The following ETF1 variants were observed in gnomAD, a reference collection of about 807,000 sequenced individuals.
The protein encoded by ETF1 is eukaryotic peptide chain release factor subunit 1.
A neutral mutation model predicts 55.1 loss-of-function variants in ETF1; 4 were observed. The ratio of observed to expected loss-of-function variants is 0.07; its 90% CI spans 0.04 to 0.17. The LOEUF (loss-of-function observed/expected upper bound fraction) is 0.17. Among genes scored for constraint, ETF1 ranks in the 10% least tolerant of loss-of-function variants. The pLI, the probability that ETF1 is intolerant of heterozygous loss-of-function variation, is 1.00. For missense variants in ETF1, 142 were observed against 523.6 expected, an observed-to-expected ratio of 0.27 and a Z score of 7.11; for synonymous variants, 157 against 182.3, an observed-to-expected ratio of 0.86 and a Z score of 1.12.
chr5:138,527,053 G>A (rs1447427863), intron 2 of ETF1, among the ~76,000 whole-genome samples: 2 of 152,080 alleles, frequency 1.3e-5, no homozygotes, highest in African/African-American at 2.4e-5. Flanking sequence ...TGGTCGGGCT[G>A]GTCTGGAACT....
chr5:138,535,874 C>CAAAAA lies in ETF1; in HGVS notation c.86+6954_86+6958dup, dbSNP rs35261297. ...TGGGCGGGAAAGCGAGACTCCGCCT[C>CAAAAA]AAAAAAAAAAAAAAAAAAAAAAAAA... is the stretch of plus-strand genomic sequence containing the variant. On this transcript the variant is annotated intron_variant, in intron 2 of 10. Coordinates refer to ENST00000360541, the MANE Select transcript of ETF1 (RefSeq NM_004730.4). Among the ~76,000 whole-genome samples the CAAAAA allele has an allele frequency of 5.8e-3, 335 of 57,830 alleles. 76 individuals carry two copies. The highest frequency in any genetic ancestry group is 0.054 in the Admixed American group (167 of 3,072). The allele number at this position is 57,830 out of a possible 152,430, so 37.9% of individuals were successfully genotyped here. A position where few individuals can be genotyped will look rare whatever the true frequency, so the allele number is the denominator to read the frequency against.
intron 6 of ETF1, 125 bp downstream of exon 6, chr5:138,512,639 T>A: frequency 1.3e-6 from 1 of 750,472 alleles, no homozygotes; most frequent in Non-Finnish European, 2.0e-6. Flanking sequence ...ACCTGCTGTT[T>A]AACTCAGAGG....
In ETF1 at chr5:138,510,618, G is replaced by T. The variant is rs1764737316; in HGVS notation, c.1030C>A (p.Leu344Ile). 6.2e-7 allele frequency: 1 copy of T among 1,612,540 alleles called. No homozygotes were observed. The highest frequency in any genetic ancestry group is 8.5e-7 in the Non-Finnish European group (1 of 1,178,658). Residue 344 changes from leucine to isoleucine, a missense_variant, in exon 9 of 11, where the codon CTC (leucine) becomes ATC (isoleucine). Leu to Ile is a conservative substitution (Grantham distance 5). Transcript: ENST00000360541. ...TTTTCTTGCTCTGGAGTTAGATAGA[G>T]AATTTTCTCCTCTGTAGTATTAGGA... Reference protein sequence around the residue: ...HCQGTEEEKILYLTPEQEKDK... With the variant: ...HCQGTEEEKIIYLTPEQEKDK...
chr5:138,525,363 G>A (rs1765425015), intron 2 of ETF1, among the ~76,000 whole-genome samples: 1 of 151,410 alleles, frequency 6.6e-6, no homozygotes, highest in Non-Finnish European at 1.5e-5. Flanking sequence ...TCACTATGTT[G>A]GCCAGGCTGG....
chr5:138,510,774 G>C, intron 8 of ETF1, 145 bp from the exon 9 acceptor site: 1 of 1,199,748 alleles, frequency 8.3e-7, no homozygotes, highest in Non-Finnish European at 1.1e-6. Flanking sequence ...CATACACTGA[G>C]TGTCTACTAG....
At chr5:138,518,110 A>G (rs754189620) in intron 3 of ETF1, among the ~76,000 whole-genome samples, 1 of 151,622 alleles carries the variant, frequency 6.6e-6, no homozygotes, top group Non-Finnish European at 1.5e-5. Context: ...GCTGAGACGG[A>G]AGAATCACTT....
At chr5:138,541,562 T>C in intron 2 of ETF1, 2 of 1,535,216 alleles carry the variant, frequency 1.3e-6, no homozygotes, top group African/African-American at 1.4e-5. Flanking sequence ...TCCTGTTTCA[T>C]ATAACAGTAA....
chr5:138,518,545 A>C (rs531764562), intron 3 of ETF1, 147 bp downstream of exon 3: 26 of 679,916 alleles, frequency 3.8e-5, no homozygotes, highest in Non-Finnish European at 6.4e-5. Flanking sequence ...AAACAAAACA[A>C]AACAAAAAAG....
At chr5:138,524,121 G>C (rs537412154) in intron 2 of ETF1, among the ~76,000 whole-genome samples, 1 of 152,150 alleles carries the variant, frequency 6.6e-6, no homozygotes, top group East Asian at 1.9e-4. Flanking sequence ...GGGAGGCAGA[G>C]GTTGCGGTGC....
intron 2 of ETF1, chr5:138,541,411 G>C: frequency 1.4e-6 from 1 of 725,422 alleles, no homozygotes; most frequent in Non-Finnish European, 2.3e-6. Context: ...CCAGTAAACC[G>C]AAGGAGTGAG....
At chr5:138,530,860 C>T (rs950607023) in intron 2 of ETF1, among the ~76,000 whole-genome samples, 3 of 152,172 alleles carry the variant, frequency 2.0e-5, no homozygotes, top group South Asian at 2.1e-4. Context: ...CGACTGTGCC[C>T]GGCCTCAAAT....
chr5:138,524,145 C>T (rs1008809143), intron 2 of ETF1, among the ~76,000 whole-genome samples: 9 of 149,984 alleles, frequency 6.0e-5, no homozygotes, highest in African/African-American at 2.2e-4. Context: ...GAGCCGAGAT[C>T]GTGCCACTGC....
At chr5:138,523,659 G>A (rs1324195810) in intron 2 of ETF1, among the ~76,000 whole-genome samples, 1 of 152,216 alleles carries the variant, frequency 6.6e-6, no homozygotes, top group Non-Finnish European at 1.5e-5. Flanking sequence ...CAGAGTGATT[G>A]TTAAAGGGTA....
At chr5:138,509,394 A>G (rs990930340) in intron 9 of ETF1, among the ~76,000 whole-genome samples, 2 of 152,234 alleles carry the variant, frequency 1.3e-5, no homozygotes, top group Non-Finnish European at 2.9e-5. Flanking sequence ...TTTCCTCCCT[A>G]TTAAATTTCA....
At position 138,508,229 on chromosome 5, in the gene ETF1, G is replaced by T; in HGVS notation, c.*76C>A. ...CCAATTGTAAGGCAGGGATCTGTTT[G>T]GATTCCACCATGGGTATGCTCCTTG... On this transcript the variant is annotated 3_prime_UTR_variant, in exon 11 of 11. Coordinates refer to ENST00000360541, the MANE Select transcript of ETF1 (RefSeq NM_004730.4). 6.7e-7 allele frequency: 1 copy of T among 1,500,652 alleles called. No individual in the cohort carries two copies. The allele number at this position is 1,500,652 out of a possible 1,614,324, so 93.0% of individuals were successfully genotyped here.
At chr5:138,518,423 G>A (rs920542806) in intron 3 of ETF1, among the ~76,000 whole-genome samples, 2 of 152,022 alleles carry the variant, frequency 1.3e-5, no homozygotes, top group Non-Finnish European at 2.9e-5. Context: ...ATGTTGTCCA[G>A]GCTGGTCTCG....
At chr5:138,519,448 G>A (rs1581030674) in intron 2 of ETF1, among the ~76,000 whole-genome samples, 1 of 151,930 alleles carries the variant, frequency 6.6e-6, no homozygotes, top group East Asian at 1.9e-4. Context: ...CGGATCACAA[G>A]GTCAGGAGTT....
intron 10 of ETF1, 31 bp downstream of exon 10, chr5:138,508,638 T>A: frequency 6.2e-7 from 1 of 1,611,190 alleles, no homozygotes; most frequent in Non-Finnish European, 8.5e-7. Flanking sequence ...AGACCCTGGT[T>A]TTAAGTTTGG....
chr5:138,512,226 ATAT>A (rs1294026483), intron 6 of ETF1, among the ~76,000 whole-genome samples: 2 of 32,348 alleles, frequency 6.2e-5, no homozygotes, highest in African/African-American at 3.9e-4. Context: ...AAAAAAAAAA[ATAT>A]ATATATATAT....
Sources: gnomAD v4.1 joint callset for allele counts (sites outside exome capture counted in the v4.1 genomes callset) on GRCh38, gnomAD v4.1.1 for gene constraint, MANE v1.5 for transcripts, NCBI Gene and HGNC (gene_info 2026-07-23, HGNC 2026-07-21) for gene names.